TMEM116: variants seen among roughly 807,000 people sequenced by gnomAD.
The protein encoded by TMEM116 is transmembrane protein 116.
TMEM116 carries 38 observed loss-of-function variants against 44.3 expected under a neutral mutation model. The observed-to-expected ratio is 0.86, with a 90% confidence interval of 0.66 to 1.12. TMEM116 has a LOEUF of 1.12. TMEM116 is among the 50% of genes most tolerant of loss of function. The probability of loss-of-function intolerance (pLI) is 0.00; values close to 1 mark genes in which losing one functional copy is unlikely to be tolerated. For missense variants in TMEM116, 354 were observed against 401.7 expected (o/e 0.88, Z 1.01); for synonymous variants, 132 against 144.8 (o/e 0.91, Z 0.64).
chr12:111,988,207 C>T (rs2076331679), intron 4 of TMEM116, among the ~76,000 whole-genome samples: 1 of 152,148 alleles, frequency 6.6e-6, no homozygotes, highest in Non-Finnish European at 1.5e-5. Flanking sequence ...TAATGGTACA[C>T]AGCTTGAGAT....
intron 4 of TMEM116, among the ~76,000 whole-genome samples, chr12:111,959,941 C>A (rs78536756): frequency 0.015 from 2,347 of 152,180 alleles, 72 homozygotes; most frequent in African/African-American, 0.053. Flanking sequence ...ATTAGATCAA[C>A]GAGACAGAAA....
intron 1 of TMEM116, chr12:112,005,561 T>C (rs1486317696): frequency 4.1e-6 from 2 of 486,940 alleles, no homozygotes; most frequent in African/African-American, 2.0e-5. Flanking sequence ...GAAAAATGAC[T>C]AAATGAAAAA....
chr12:112,001,537 C>A (rs1313376337), intron 3 of TMEM116, among the ~76,000 whole-genome samples: 2 of 152,178 alleles, frequency 1.3e-5, no homozygotes, highest in East Asian at 3.9e-4. Context: ...GGGTTTACTA[C>A]TAGTATCCAG....
chr12:111,968,957 C>A (rs1309723798), intron 4 of TMEM116, among the ~76,000 whole-genome samples: 2 of 135,680 alleles, frequency 1.5e-5, no homozygotes, highest in Non-Finnish European at 3.0e-5. Flanking sequence ...CGTGTCACTG[C>A]ACTCCAACCT....
intron 4 of TMEM116, among the ~76,000 whole-genome samples, chr12:111,957,906 A>G (rs1365837643): frequency 6.6e-6 from 1 of 152,228 alleles, no homozygotes; most frequent in Non-Finnish European, 1.5e-5. Flanking sequence ...TAGACATAGG[A>G]GACTCCATTT....
chr12:111,987,527 G>A (rs1299898597), intron 4 of TMEM116, among the ~76,000 whole-genome samples: 2 of 151,474 alleles, frequency 1.3e-5, no homozygotes, highest in Non-Finnish European at 2.9e-5. Flanking sequence ...AAAAAAAAGG[G>A]GGAAAGGACT....
intron 1 of TMEM116, chr12:112,011,224 G>A (rs999796835): frequency 2.0e-5 from 3 of 152,274 alleles, no homozygotes; most frequent in Non-Finnish European, 4.4e-5. Flanking sequence ...GAAGGGGCGG[G>A]GCTCCCACAG....
chr12:111,989,497 C>T (rs1297368652), intron 4 of TMEM116, among the ~76,000 whole-genome samples: 1 of 152,198 alleles, frequency 6.6e-6, no homozygotes, highest in African/African-American at 2.4e-5. Flanking sequence ...GAGATTTGAA[C>T]CATTGTCCAC....
intron 4 of TMEM116, among the ~76,000 whole-genome samples, chr12:111,949,901 G>A (rs541419159): frequency 3.1e-4 from 47 of 152,242 alleles, no homozygotes; most frequent in Admixed American, 5.2e-4. Flanking sequence ...GATCACCTGA[G>A]GTCAGGAGTT....
At position 111,991,844 on chromosome 12, in the gene TMEM116, G is replaced by T; in HGVS notation, c.124C>A (p.Leu42Ile). The part of the protein sequence containing the change: ...YLSFCDLLLG[L>I]CWLTETLLYG... ...AGAAGTGTCTCCGTGAGCCAGCAAA[G>T]TCCCAGGAGCAGGTCACAGAAGCTC... Residue 42 changes from leucine to isoleucine, a missense_variant, in exon 4 of 11, where the codon CTT (leucine) becomes ATT (isoleucine). Transcript: ENST00000552374. The T allele has an allele frequency of 6.5e-7, 1 of 1,536,200 alleles. No homozygotes were observed. The highest frequency in any genetic ancestry group is 8.7e-7 in the Non-Finnish European group (1 of 1,146,752).
At chr12:112,011,246 T>C (rs967131254) in intron 1 of TMEM116, 2 of 152,152 alleles carry the variant, frequency 1.3e-5, no homozygotes, top group Non-Finnish European at 2.9e-5. Context: ...CTCCATGGAG[T>C]GTGCAGCCCC....
intron 4 of TMEM116, among the ~76,000 whole-genome samples, chr12:111,988,421 C>T (rs527411193): frequency 2.0e-4 from 31 of 152,122 alleles, no homozygotes; most frequent in African/African-American, 5.1e-4. Context: ...AGGCCGGGCA[C>T]GGTGGCTCAC....
intron 4 of TMEM116, among the ~76,000 whole-genome samples, chr12:111,981,441 C>T (rs1357342567): frequency 6.6e-6 from 1 of 152,184 alleles, no homozygotes; most frequent in Non-Finnish European, 1.5e-5. Context: ...GTTGTTAGTG[C>T]CACAGGGATC....
At chr12:112,004,297 T>A (rs1033900352) in intron 2 of TMEM116, among the ~76,000 whole-genome samples, 1 of 152,002 alleles carries the variant, frequency 6.6e-6, no homozygotes, top group African/African-American at 2.4e-5. Flanking sequence ...TATTTTTTTT[T>A]TTTTAGAGGC....
rs888588006 is a variant in TMEM116 at position 111,932,176 on chromosome 12, AAG to A, written c.808-351_808-350del. Among the ~76,000 whole-genome samples the A allele has an allele frequency of 4.6e-5, 7 of 152,294 alleles. No homozygotes were observed. In the South Asian group the frequency reaches 1.5e-3, roughly 32 times the overall value. On this transcript the variant is annotated intron_variant, in intron 10 of 10. Coordinates refer to ENST00000552374, the MANE Select transcript of TMEM116 (RefSeq NM_001193531.2). ...CTTCTTAAATCCAATAAAGAAAAAA[AAG>A]AGAGATGATCATTCCATCCCCTCCT...
At chr12:111,952,488 G>C (rs142718270) in intron 4 of TMEM116, among the ~76,000 whole-genome samples, 19 of 152,326 alleles carry the variant, frequency 1.2e-4, no homozygotes, top group African/African-American at 4.6e-4. Context: ...GGTTAATACT[G>C]AGTGTCAACT....
intron 4 of TMEM116, among the ~76,000 whole-genome samples, chr12:111,944,425 C>T (rs928078123): frequency 5.3e-5 from 8 of 151,906 alleles, no homozygotes; most frequent in Non-Finnish European, 8.8e-5. Flanking sequence ...TTTGTGAGGC[C>T]GTGGTGGGCA....
Position 111,991,792 on chromosome 12 carries a change from T to G in TMEM116, c.176A>C (p.Asp59Ala). 1 of 1,535,656 alleles carries G rather than the reference T, an allele frequency of 6.5e-7. No individual in the cohort carries two copies. The change falls in exon 4 of 11, where the codon GAC becomes GCC. Residue 59 changes from aspartate (D) to alanine (A), a missense_variant. Transcript: ENST00000552374. ...LLYGASVANK[D>A]IICYNLQAVG... Reference sequence around the variant, plus strand: ...TGCTTGTAGGTTATAGCAGATGATGTCCTTATTTGCTACTGAAGCTCCATA... The same window carrying G: ...TGCTTGTAGGTTATAGCAGATGATGGCCTTATTTGCTACTGAAGCTCCATA...
At chr12:111,972,514 C>T (rs1471420652) in intron 4 of TMEM116, among the ~76,000 whole-genome samples, 8 of 152,176 alleles carry the variant, frequency 5.3e-5, no homozygotes, top group Admixed American at 4.6e-4. Flanking sequence ...TTCCAGCCAA[C>T]AACAGCAGAA....
Sources: allele counts gnomAD v4.1 joint callset (sites outside exome capture counted in the v4.1 genomes callset), GRCh38; gene constraint gnomAD v4.1.1; transcripts MANE v1.5; gene names NCBI Gene and HGNC (gene_info 2026-07-23, HGNC 2026-07-21).